Variants in MLLT3 observed in about 807,000 individuals in gnomAD.
MLLT3 encodes MLLT3 super elongation complex subunit.
In MLLT3, 4 loss-of-function variants were observed where a neutral mutation model predicts 53.2. The observed-to-expected ratio is 0.08, with a 90% CI of 0.04 to 0.17. The LOEUF (loss-of-function observed/expected upper bound fraction) is 0.17, where lower values mean the gene tolerates loss of function less well. MLLT3 is among the 10% of genes least tolerant of loss of function. The pLI is 1.00. For missense variants in MLLT3, 569 were observed against 684.0 expected (o/e 0.83, Z 1.87); for synonymous variants, 283 against 230.6 (o/e 1.23, Z -2.06).
At chr9:20,371,332 C>T (rs1821595456) in intron 5 of MLLT3, among the ~76,000 whole-genome samples, 1 of 152,252 alleles carries the variant, frequency 6.6e-6, no homozygotes, top group Non-Finnish European at 1.5e-5. Context: ...GTAGACGAAA[C>T]AGCCTTCTAC....
chr9:20,379,522 T>C (rs1017386819), intron 5 of MLLT3, among the ~76,000 whole-genome samples: 4 of 152,068 alleles, frequency 2.6e-5, no homozygotes, highest in African/African-American at 9.7e-5. Flanking sequence ...CTTTAATCAT[T>C]TGAGTCTCAA....
chr9:20,416,887 C>G (rs148582351), intron 4 of MLLT3, among the ~76,000 whole-genome samples: 1 of 152,154 alleles, frequency 6.6e-6, no homozygotes, highest in East Asian at 1.9e-4. Context: ...GGCCCATGAC[C>G]AATGTCAAAG....
chr9:20,361,834 A>G (rs1821331129), intron 7 of MLLT3, among the ~76,000 whole-genome samples: 1 of 152,168 alleles, frequency 6.6e-6, no homozygotes, highest in Non-Finnish European at 1.5e-5. Context: ...TATGCTTCTC[A>G]GAAACAGAAA....
chr9:20,476,170 T>C (rs1433027772), intron 2 of MLLT3, among the ~76,000 whole-genome samples: 1 of 152,040 alleles, frequency 6.6e-6, no homozygotes, highest in East Asian at 1.9e-4. Context: ...GGTGAAGATA[T>C]TTCTAGATAA....
intron 5 of MLLT3, among the ~76,000 whole-genome samples, chr9:20,388,014 A>G (rs74709071): frequency 0.028 from 4,221 of 152,298 alleles, 203 homozygotes; most frequent in African/African-American, 0.095. Flanking sequence ...CAAATGAAAC[A>G]ATCACCTGTG....
At chr9:20,386,375 CCTA>C (rs1296593531) in intron 5 of MLLT3, among the ~76,000 whole-genome samples, 1 of 152,124 alleles carries the variant, frequency 6.6e-6, no homozygotes, top group Non-Finnish European at 1.5e-5. Flanking sequence ...CAGTCCCAAG[CCTA>C]CTACCTCAGA....
At chr9:20,588,582 G>T (rs1198509193) in intron 2 of MLLT3, among the ~76,000 whole-genome samples, 1 of 152,048 alleles carries the variant, frequency 6.6e-6, no homozygotes, top group Non-Finnish European at 1.5e-5. Context: ...GGATTCCTAG[G>T]TATTTTATTC....
At chr9:20,456,659 A>G in intron 3 of MLLT3, 45 bp downstream of exon 3, 2 of 1,290,778 alleles carry the variant, frequency 1.5e-6, no homozygotes, top group Non-Finnish European at 2.2e-6. Flanking sequence ...CATTTGGCTA[A>G]TGGTGGATCG....
At chr9:20,420,669 A>C (rs925717305) in intron 4 of MLLT3, among the ~76,000 whole-genome samples, 2 of 152,166 alleles carry the variant, frequency 1.3e-5, no homozygotes, top group Non-Finnish European at 2.9e-5. Context: ...CCACACGCTC[A>C]TTTAATAATT....
intron 2 of MLLT3, among the ~76,000 whole-genome samples, chr9:20,471,340 G>A (rs1412550198): frequency 7.2e-5 from 11 of 152,054 alleles, no homozygotes; most frequent in Middle Eastern, 3.4e-3. Flanking sequence ...AGAGGAATTC[G>A]GAGAAATGCA....
At chr9:20,436,990 G>A (rs966608189) in intron 4 of MLLT3, among the ~76,000 whole-genome samples, 13 of 152,044 alleles carry the variant, frequency 8.6e-5, no homozygotes, top group Admixed American at 6.6e-4. Context: ...TTACAAATGA[G>A]CAAACAGACT....
At position 20,462,957 on chromosome 9, in the gene MLLT3, C is replaced by T. The variant is rs139506599; in HGVS notation, c.194-6171G>A. Among the ~76,000 whole-genome samples, 6 of 151,952 alleles carry T rather than the reference C, an allele frequency of 3.9e-5. No individual in the cohort carries two copies. The East Asian group carries it at 7.7e-4, about 20-fold the overall frequency. ...GTAAAATTCAATATAATGAGACAGT[C>T]GGTATAAGCAGAAACACTGAAAACA... On this transcript the variant is annotated intron_variant, in intron 2 of 10. Transcript: ENST00000380338.
intron 2 of MLLT3, among the ~76,000 whole-genome samples, chr9:20,495,558 A>G (rs1439371925): frequency 1.3e-5 from 2 of 152,166 alleles, no homozygotes; most frequent in Non-Finnish European, 2.9e-5. Context: ...ATAGATTTAG[A>G]AAACGTGTGT....
At chr9:20,573,454 A>G (rs537914294) in intron 2 of MLLT3, among the ~76,000 whole-genome samples, 46 of 152,338 alleles carry the variant, frequency 3.0e-4, no homozygotes, top group Non-Finnish European at 5.9e-4. Context: ...TGCTGGGATT[A>G]CAGGCATGAA....
At chr9:20,461,504 C>T (rs113550546) in intron 2 of MLLT3, among the ~76,000 whole-genome samples, 1,776 of 151,986 alleles carry the variant, frequency 0.012, 34 homozygotes, top group African/African-American at 0.039. Flanking sequence ...AAAGATTTGA[C>T]GAAGAGCTAT....
At chr9:20,424,024 G>A (rs1345331749) in intron 4 of MLLT3, among the ~76,000 whole-genome samples, 2 of 152,142 alleles carry the variant, frequency 1.3e-5, no homozygotes, top group Non-Finnish European at 2.9e-5. Context: ...CTTACATTGT[G>A]TTGAGTAGTA....
chr9:20,593,502 A>G (rs1227070231), intron 2 of MLLT3, among the ~76,000 whole-genome samples: 1 of 152,248 alleles, frequency 6.6e-6, no homozygotes, highest in Non-Finnish European at 1.5e-5. Flanking sequence ...CACGCCAAGT[A>G]TAATAAAGCA....
chr9:20,530,760 T>C (rs991942796), intron 2 of MLLT3, among the ~76,000 whole-genome samples: 10 of 152,126 alleles, frequency 6.6e-5, no homozygotes, highest in African/African-American at 2.4e-4. Flanking sequence ...GCCTTCCAAG[T>C]AGCTGGGAAT....
intron 2 of MLLT3, among the ~76,000 whole-genome samples, chr9:20,599,484 A>T (rs1820362098): frequency 6.6e-6 from 1 of 151,442 alleles, no homozygotes; most frequent in African/African-American, 2.4e-5. Flanking sequence ...AGGTAGCATG[A>T]AACCTCTCAT....
Sources: allele counts gnomAD v4.1 joint callset (sites outside exome capture counted in the v4.1 genomes callset), GRCh38; gene constraint gnomAD v4.1.1; transcripts MANE v1.5; gene names NCBI Gene and HGNC (gene_info 2026-07-23, HGNC 2026-07-21).